The following GPC6 variants were observed in gnomAD, a reference collection of about 807,000 sequenced individuals.
GPC6 encodes glypican-6.
GPC6 carries 14 observed loss-of-function variants against 55.2 expected under a neutral mutation model. The observed-to-expected ratio is 0.25, with a 90% CI of 0.17 to 0.40. The LOEUF (loss-of-function observed/expected upper bound fraction) is 0.40. GPC6 is among the 10% of genes least tolerant of loss of function. The probability of loss-of-function intolerance (pLI) is 1.00; values close to 1 mark genes in which losing one functional copy is unlikely to be tolerated. For synonymous variants in GPC6, 278 were observed against 259.6 expected (o/e 1.07, Z -0.68); for missense variants, 641 against 708.5 (o/e 0.90, Z 1.08).
chr13:93,323,663 A>G (rs1254587825), intron 1 of GPC6, among the ~76,000 whole-genome samples: 3 of 152,132 alleles, frequency 2.0e-5, no homozygotes, highest in Non-Finnish European at 4.4e-5. Context: ...ACCATGATAA[A>G]TATTTGGGAT....
intron 3 of GPC6, among the ~76,000 whole-genome samples, chr13:93,921,647 T>C (rs781552567): frequency 4.0e-5 from 6 of 151,654 alleles, no homozygotes; most frequent in Non-Finnish European, 5.9e-5. Context: ...GCTCTACTGT[T>C]CCTCTGCTCT....
intron 2 of GPC6, among the ~76,000 whole-genome samples, chr13:93,711,440 A>C (rs111290308): frequency 8.6e-5 from 13 of 151,906 alleles, no homozygotes; most frequent in African/African-American, 2.9e-4. Flanking sequence ...CTCACAGGAC[A>C]CGTGGGAATG....
intron 6 of GPC6, among the ~76,000 whole-genome samples, chr13:94,323,238 T>G (rs1876932370): frequency 6.6e-6 from 1 of 152,118 alleles, no homozygotes; most frequent in Admixed American, 6.5e-5. Flanking sequence ...AAATGCCAAA[T>G]TCAAAGCTTT....
intron 2 of GPC6, among the ~76,000 whole-genome samples, chr13:93,570,422 T>C (rs1271790960): frequency 6.6e-6 from 1 of 152,156 alleles, no homozygotes; most frequent in Non-Finnish European, 1.5e-5. Flanking sequence ...ACCAGCATTA[T>C]GGCACAGATG....
intron 2 of GPC6, among the ~76,000 whole-genome samples, chr13:93,711,924 C>A (rs556503249): frequency 6.6e-6 from 1 of 151,842 alleles, no homozygotes; most frequent in South Asian, 2.1e-4. Context: ...CTTAGAGGAT[C>A]ATGGTGAGAT....
At chr13:93,853,129 A>G (rs574794254) in intron 3 of GPC6, among the ~76,000 whole-genome samples, 51 of 151,820 alleles carry the variant, frequency 3.4e-4, no homozygotes, top group Non-Finnish European at 6.1e-4. Flanking sequence ...TTATTTAAAA[A>G]CCAAAACACG....
At chr13:94,311,501 A>G (rs559132464) in intron 6 of GPC6, among the ~76,000 whole-genome samples, 5 of 152,128 alleles carry the variant, frequency 3.3e-5, no homozygotes, top group Non-Finnish European at 5.9e-5. Flanking sequence ...TGCACTCTAC[A>G]TGGTATCATG....
chr13:93,549,375 CT>C (rs1307295366), intron 2 of GPC6, among the ~76,000 whole-genome samples: 1 of 152,186 alleles, frequency 6.6e-6, no homozygotes, highest in Non-Finnish European at 1.5e-5. Flanking sequence ...TTGCTGTTGG[CT>C]ACCAAGTAGC....
At chr13:93,268,024 T>C (rs1877383656) in intron 1 of GPC6, among the ~76,000 whole-genome samples, 1 of 152,222 alleles carries the variant, frequency 6.6e-6, no homozygotes, top group South Asian at 2.1e-4. Flanking sequence ...ACTAGCCCCT[T>C]AATATAGATT....
At position 94,398,634 on chromosome 13, in the gene GPC6, G is replaced by A; in HGVS notation, c.1458G>A (p.Gln486=). Residue 486 remains glutamine, a synonymous_variant, in exon 8 of 9, where the codon CAG becomes CAA. Transcript: ENST00000377047. ...ACAATGGCAATGATGTCAATTTCCA[G>A]GACACAAGTAAGAAAATCCTTCCCA... The part of the protein sequence containing the change: ...NAYNGNDVNF[Q]DTSDESSGSG... 1 of 1,613,888 alleles carries A rather than the reference G, an allele frequency of 6.2e-7. No individual in the cohort carries two copies. Among genetic ancestry groups the A allele is most frequent in the South Asian group, 1.1e-5 (1 of 91,078 alleles).
rs139168428 is a variant in GPC6, at chr13:93,849,438, G to C, written c.711+18893G>C. Among the ~76,000 whole-genome samples, 4 of 151,974 alleles carry C rather than the reference G, an allele frequency of 2.6e-5. No homozygotes were observed. The South Asian group carries it at 6.2e-4, about 24-fold the overall frequency. On this transcript the variant is annotated intron_variant, in intron 3 of 8. Coordinates refer to ENST00000377047, the MANE Select transcript of GPC6 (RefSeq NM_005708.5). ...TTAGGTTTTTTGGAATATCCAGCTC[G>C]AAAGACATTGTAGATGAATGAAAGA...
At chr13:94,037,071 C>T (rs548662770) in intron 4 of GPC6, among the ~76,000 whole-genome samples, 8 of 151,952 alleles carry the variant, frequency 5.3e-5, no homozygotes, top group East Asian at 1.9e-4. Context: ...CTCAACCAGA[C>T]GAGAGAACTA....
chr13:94,248,433 A>T (rs779997108), intron 4 of GPC6, among the ~76,000 whole-genome samples: 1 of 152,132 alleles, frequency 6.6e-6, no homozygotes, highest in Non-Finnish European at 1.5e-5. Context: ...ATAGAACCTT[A>T]TGTCCCTATT....
At chr13:93,731,842 G>C (rs754007737) in intron 2 of GPC6, among the ~76,000 whole-genome samples, 5 of 151,948 alleles carry the variant, frequency 3.3e-5, no homozygotes, top group Admixed American at 6.6e-5. Flanking sequence ...TATTAGCCTT[G>C]AAGATCAATT....
intron 2 of GPC6, among the ~76,000 whole-genome samples, chr13:93,637,377 A>G (rs2139580391): frequency 6.6e-6 from 1 of 152,260 alleles, no homozygotes; most frequent in South Asian, 2.1e-4. Context: ...GACTGCAAGG[A>G]AAGTGATTAG....
At chr13:93,397,234 T>A (rs1280964343) in intron 1 of GPC6, among the ~76,000 whole-genome samples, 4 of 152,232 alleles carry the variant, frequency 2.6e-5, no homozygotes, top group Non-Finnish European at 5.9e-5. Flanking sequence ...ACATTTGAAG[T>A]GGACATTTCA....
chr13:93,504,754 A>AC (rs1880647124), intron 1 of GPC6, among the ~76,000 whole-genome samples: 1 of 152,206 alleles, frequency 6.6e-6, no homozygotes. Context: ...TATCTAAAAA[A>AC]AACAACAACA....
chr13:93,488,757 A>G (rs1879833721), intron 1 of GPC6, among the ~76,000 whole-genome samples: 1 of 152,178 alleles, frequency 6.6e-6, no homozygotes, highest in African/African-American at 2.4e-5. Flanking sequence ...TTTTGGCTGC[A>G]TAAATATCTT....
chr13:93,772,779 A>AAG (rs1380762640), intron 2 of GPC6, among the ~76,000 whole-genome samples: 1 of 152,104 alleles, frequency 6.6e-6, no homozygotes, highest in Non-Finnish European at 1.5e-5. Flanking sequence ...TCCTCAGATG[A>AAG]AGAGCCCTGT....
Sources: allele counts gnomAD v4.1 joint callset (sites outside exome capture counted in the v4.1 genomes callset), GRCh38; gene constraint gnomAD v4.1.1; transcripts MANE v1.5; gene names NCBI Gene and HGNC (gene_info 2026-07-23, HGNC 2026-07-21).